The following CDIN1 variants were observed in gnomAD, a reference collection of about 807,000 sequenced individuals.
CDIN1 encodes CDAN1 interacting nuclease 1.
CDIN1 carries 33 observed loss-of-function variants against 45.3 expected under a neutral mutation model. That is an observed-to-expected ratio of 0.73 (90% CI 0.55 to 0.97). The LOEUF is 0.97. CDIN1 is among the 50% of genes least tolerant of loss of function. The probability of loss-of-function intolerance (pLI) is 0.00; values close to 1 mark genes in which losing one functional copy is unlikely to be tolerated. For missense variants in CDIN1, 303 were observed against 339.4 expected (o/e 0.89, Z 0.84); for synonymous variants, 118 against 124.4 (o/e 0.95, Z 0.34).
intron 10 of CDIN1, among the ~76,000 whole-genome samples, chr15:36,795,952 A>G (rs2054784179): frequency 6.6e-6 from 1 of 152,146 alleles, no homozygotes; most frequent in Non-Finnish European, 1.5e-5. Context: ...ATCTAATTAT[A>G]AATTTAGGAA....
At chr15:36,673,599 G>A (rs546084915) in intron 5 of CDIN1, among the ~76,000 whole-genome samples, 1 of 151,988 alleles carries the variant, frequency 6.6e-6, no homozygotes, top group East Asian at 1.9e-4. Flanking sequence ...CAAATTTCTT[G>A]TACAAAATGT....
At chr15:36,612,372 T>C (rs2038688225) in intron 1 of CDIN1, among the ~76,000 whole-genome samples, 1 of 152,160 alleles carries the variant, frequency 6.6e-6, no homozygotes, top group South Asian at 2.1e-4. Context: ...ATTGCTGTGG[T>C]GGAAGAGACA....
intron 1 of CDIN1, among the ~76,000 whole-genome samples, chr15:36,581,644 G>A (rs371092052): frequency 1.3e-5 from 2 of 152,000 alleles, no homozygotes; most frequent in African/African-American, 2.4e-5. Context: ...TTGGGAGGCC[G>A]AGATGGGAGG....
At chr15:36,618,864 C>T in intron 1 of CDIN1, 1 of 960,796 alleles carries the variant, frequency 1.0e-6, no homozygotes, top group Non-Finnish European at 1.7e-6. Flanking sequence ...ACTACAAAGC[C>T]ATGGAGGGCA....
intron 1 of CDIN1, among the ~76,000 whole-genome samples, chr15:36,601,238 C>A (rs908525868): frequency 2.0e-5 from 3 of 152,184 alleles, no homozygotes; most frequent in Admixed American, 2.0e-4. Flanking sequence ...TCCTACCCTT[C>A]AGCACGGGGT....
chr15:36,593,212 A>G (rs1190138098), intron 1 of CDIN1, among the ~76,000 whole-genome samples: 1 of 152,216 alleles, frequency 6.6e-6, no homozygotes, highest in Non-Finnish European at 1.5e-5. Context: ...GACTCAGCAT[A>G]TTAGAACTGA....
At chr15:36,792,419 G>C (rs2141091810) in intron 10 of CDIN1, among the ~76,000 whole-genome samples, 1 of 152,224 alleles carries the variant, frequency 6.6e-6, no homozygotes, top group South Asian at 2.1e-4. Context: ...GAAACTGTTA[G>C]CCGTTCACCT....
At chr15:36,694,929 G>A (rs568569489) in intron 7 of CDIN1, among the ~76,000 whole-genome samples, 1 of 152,352 alleles carries the variant, frequency 6.6e-6, no homozygotes, top group Admixed American at 6.5e-5. Context: ...CTAGTAATGA[G>A]AGACCATTGA....
intron 7 of CDIN1, among the ~76,000 whole-genome samples, chr15:36,693,947 G>C (rs898431831): frequency 6.6e-5 from 10 of 152,126 alleles, no homozygotes; most frequent in African/African-American, 2.4e-4. Context: ...TGTAGTACAT[G>C]ATTTCAATTG....
intron 1 of CDIN1, among the ~76,000 whole-genome samples, chr15:36,640,155 A>G (rs145134030): frequency 4.1e-4 from 63 of 152,220 alleles, no homozygotes; most frequent in African/African-American, 1.4e-3. Flanking sequence ...ATTATATCAA[A>G]GTTTGTGTAG....
intron 10 of CDIN1, among the ~76,000 whole-genome samples, chr15:36,737,823 T>G (rs1273326200): frequency 6.6e-6 from 1 of 152,192 alleles, no homozygotes; most frequent in Non-Finnish European, 1.5e-5. Context: ...GGGAGGTACA[T>G]AGGGTGTCCT....
chr15:36,585,727 T>G (rs1259520006), intron 1 of CDIN1, among the ~76,000 whole-genome samples: 1 of 152,178 alleles, frequency 6.6e-6, no homozygotes, highest in Non-Finnish European at 1.5e-5. Flanking sequence ...CTGAAGCTCT[T>G]TAATAGCTTT....
At position 36,642,051 on chromosome 15, in the gene CDIN1, A is replaced by G. The variant is rs1375161358; in HGVS notation, c.102-2227A>G. 2.0e-5 allele frequency: 3 copies of G among 152,200 alleles called. No homozygotes were observed. In the East Asian group the frequency reaches 5.8e-4, roughly 29 times the overall value. The allele number at this position is 152,200 out of a possible 1,614,324, so 9.4% of individuals were successfully genotyped here. A position where few individuals can be genotyped will look rare whatever the true frequency, so the allele number is the denominator to read the frequency against. On this transcript the variant is annotated intron_variant, in intron 1 of 10. Coordinates refer to ENST00000566621, the MANE Select transcript of CDIN1 (RefSeq NM_001321759.2). ...GGACAGTACAGTGGGCGCAGGGTAG[A>G]GGTGGTGAGTTCCTAAAAACGATAG...
intron 1 of CDIN1, chr15:36,641,132 G>A (rs909709122): frequency 3.3e-5 from 5 of 152,162 alleles, no homozygotes; most frequent in Non-Finnish European, 5.9e-5. Flanking sequence ...CCACCATTAT[G>A]GAGCACCTTG....
intron 1 of CDIN1, among the ~76,000 whole-genome samples, chr15:36,626,508 T>C (rs2039432392): frequency 1.3e-5 from 2 of 152,238 alleles, no homozygotes; most frequent in African/African-American, 2.4e-5. Context: ...TTTCAAGGTA[T>C]GTTTTCAATG....
intron 4 of CDIN1, among the ~76,000 whole-genome samples, 170 bp downstream of exon 4, chr15:36,654,328 A>T (rs1259105564): frequency 6.6e-6 from 1 of 152,194 alleles, no homozygotes; most frequent in East Asian, 1.9e-4. Flanking sequence ...TGGACAAAGA[A>T]CTTCACATAT....
chr15:36,615,935 C>T (rs1179998363), intron 1 of CDIN1, among the ~76,000 whole-genome samples: 3 of 152,126 alleles, frequency 2.0e-5, no homozygotes, highest in Non-Finnish European at 4.4e-5. Context: ...TATTTTTATT[C>T]TAAAAGCAAT....
chr15:36,778,231 A>G (rs1414090449), intron 10 of CDIN1, among the ~76,000 whole-genome samples: 1 of 152,102 alleles, frequency 6.6e-6, no homozygotes, highest in Non-Finnish European at 1.5e-5. Context: ...ACTGACCCCC[A>G]CAGATGCCTC....
At chr15:36,658,487 T>C (rs1172890293) in intron 5 of CDIN1, among the ~76,000 whole-genome samples, 1 of 152,176 alleles carries the variant, frequency 6.6e-6, no homozygotes, top group Non-Finnish European at 1.5e-5. Flanking sequence ...GATTTATGAG[T>C]AATATTCAAT....
Sources: allele counts gnomAD v4.1 joint callset (sites outside exome capture counted in the v4.1 genomes callset), GRCh38; gene constraint gnomAD v4.1.1; transcripts MANE v1.5; gene names NCBI Gene and HGNC (gene_info 2026-07-23, HGNC 2026-07-21).